Variants in HOXA3 observed in about 807,000 individuals in gnomAD.
HOXA3 encodes homeobox A3.
HOXA3 carries 8 observed loss-of-function variants against 30.3 expected under a neutral mutation model. The ratio of observed to expected loss-of-function variants is 0.26; its 90% CI spans 0.15 to 0.48. The LOEUF is 0.48. HOXA3 is among the 20% of genes least tolerant of loss of function. The probability of loss-of-function intolerance (pLI) is 0.99; values close to 1 mark genes in which losing one functional copy is unlikely to be tolerated. For missense variants in HOXA3, 653 were observed against 614.4 expected (o/e 1.06, Z -0.66); for synonymous variants, 323 against 273.1 (o/e 1.18, Z -1.80).
chr7:27,144,772 A>G (rs935049241), intron 1 of HOXA3, among the ~76,000 whole-genome samples: 9 of 152,240 alleles, frequency 5.9e-5, no homozygotes, highest in Non-Finnish European at 1.2e-4. Context: ...ACTCAAGTAA[A>G]TCACAAATAT....
At chr7:27,120,142 C>A (rs1274129697) in intron 4 of HOXA3, among the ~76,000 whole-genome samples, 1 of 152,110 alleles carries the variant, frequency 6.6e-6, no homozygotes, top group South Asian at 2.1e-4. Flanking sequence ...GGAGGTATTG[C>A]TGGCAAATTC....
intron 1 of HOXA3, chr7:27,140,467 C>G (rs927428471): frequency 6.6e-6 from 1 of 152,218 alleles, no homozygotes; most frequent in Non-Finnish European, 1.5e-5. Context: ...TCAGTGTAAG[C>G]AGTCGGTAAA....
At chr7:27,147,261 C>T (rs1271524220) in intron 1 of HOXA3, 1 of 1,514,928 alleles carries the variant, frequency 6.6e-7, no homozygotes, top group Admixed American at 1.8e-5. Flanking sequence ...TCTTTCTTTT[C>T]CTGCCTCCTT....
chr7:27,143,324 G>A (rs1369095715), intron 1 of HOXA3: 9 of 1,597,802 alleles, frequency 5.6e-6, no homozygotes, highest in South Asian at 1.1e-5. Flanking sequence ...GGGCTGAGGA[G>A]AGTGCGTGGA....
intron 1 of HOXA3, chr7:27,147,682 C>T: frequency 6.2e-7 from 1 of 1,613,856 alleles, no homozygotes; most frequent in Non-Finnish European, 8.5e-7. Flanking sequence ...GGGCAGCTGG[C>T]CCAAGAAGGA....
intron 4 of HOXA3, among the ~76,000 whole-genome samples, chr7:27,118,615 T>C (rs1375563797): frequency 6.6e-6 from 1 of 152,364 alleles, no homozygotes; most frequent in African/African-American, 2.4e-5. Context: ...TCTCCACTTA[T>C]ATTTCTTTAC....
chr7:27,107,988 G>A lies in HOXA3; in HGVS notation c.1259C>T (p.Thr420Ile), dbSNP rs777199380. Residue 420 changes from threonine to isoleucine, a missense_variant, in exon 6 of 6, where the codon ACC (threonine) becomes ATC (isoleucine). Transcript: ENST00000612286. ...ATGGTGGCCGGTAAGGTCCGTGTAG[G>A]TGGGGTGCGGCTCCCCAGGCCCCGG... Reference protein sequence around the residue: ...HGPGPGEPHPTYTDLTGHHPS... With the variant: ...HGPGPGEPHPIYTDLTGHHPS... The A allele has an allele frequency of 2.5e-6, 4 of 1,611,460 alleles. No homozygotes were observed. The South Asian group carries it at 3.3e-5, about 13-fold the overall frequency.
intron 1 of HOXA3, chr7:27,145,560 A>G (rs1782727939): frequency 6.8e-7 from 1 of 1,474,396 alleles, no homozygotes; most frequent in Non-Finnish European, 9.1e-7. Context: ...GGAAGCCCCC[A>G]GATGGGAGCA....
intron 5 of HOXA3, among the ~76,000 whole-genome samples, chr7:27,109,880 C>T (rs932047315): frequency 1.3e-5 from 2 of 152,226 alleles, no homozygotes; most frequent in African/African-American, 4.8e-5. Context: ...ACCCTACTTG[C>T]CCTTGGAGAA....
At position 27,137,491 on chromosome 7, in the gene HOXA3, A is replaced by G. The variant is rs868115197; in HGVS notation, c.-390+2592T>C. ...CTTCATAAAGCCCTCAGTGACAGAC[A>G]TATTTTTTCTTAGTAAGTTCCTCTG... On this transcript the variant is annotated intron_variant, in intron 2 of 5. Transcript: ENST00000612286. Among the ~76,000 whole-genome samples, 3 of 152,190 alleles carry G rather than the reference A, an allele frequency of 2.0e-5. 1 individual carries two copies. In the South Asian group the frequency reaches 6.2e-4, roughly 31 times the overall value.
At chr7:27,133,410 G>A (rs952644144) in intron 2 of HOXA3, among the ~76,000 whole-genome samples, 9 of 152,286 alleles carry the variant, frequency 5.9e-5, no homozygotes, top group East Asian at 1.9e-4. Context: ...GCAGCATCTC[G>A]CCTGAGAAAA....
intron 2 of HOXA3, among the ~76,000 whole-genome samples, chr7:27,132,295 A>T (rs1180415483): frequency 1.3e-5 from 2 of 152,398 alleles, no homozygotes; most frequent in Admixed American, 1.3e-4. Flanking sequence ...AACGCAGACA[A>T]GGAAAATTAT....
chr7:27,145,708 T>G, intron 1 of HOXA3: 1 of 1,614,186 alleles, frequency 6.2e-7, no homozygotes. Flanking sequence ...TGCGTGGAAT[T>G]GATGAGCTTG....
chr7:27,130,391 G>A, intron 2 of HOXA3: 1 of 1,156,848 alleles, frequency 8.6e-7, no homozygotes. Context: ...TGCTCGGGCT[G>A]GGGCGGCCGC....
At chr7:27,129,717 A>T (rs1785438598) in intron 2 of HOXA3, 10 of 891,440 alleles carry the variant, frequency 1.1e-5, no homozygotes, top group African/African-American at 1.7e-5. Context: ...CGCAAGATAC[A>T]TAAAACGGCA....
At chr7:27,122,099 C>A (rs1462196057) in intron 4 of HOXA3, 1 of 152,386 alleles carries the variant, frequency 6.6e-6, no homozygotes, top group Non-Finnish European at 1.5e-5. Context: ...GAGTGTGATA[C>A]AAGTTTTCCT....
intron 4 of HOXA3, among the ~76,000 whole-genome samples, chr7:27,111,372 C>T (rs528959265): frequency 6.6e-6 from 1 of 152,328 alleles, no homozygotes; most frequent in South Asian, 2.1e-4. Context: ...ATTTCAGAAG[C>T]TGAGCTTGTT....
intron 4 of HOXA3, chr7:27,121,233 G>GTGTGTT (rs1481318840): frequency 5.6e-5 from 7 of 125,222 alleles, no homozygotes; most frequent in African/African-American, 2.3e-4. Context: ...GTGTGTGTGT[G>GTGTGTT]TGTGTGTGTG....
intron 1 of HOXA3, chr7:27,145,618 G>T: frequency 3.1e-6 from 5 of 1,590,396 alleles, no homozygotes; most frequent in Non-Finnish European, 4.3e-6. Flanking sequence ...GGGCAAAGCC[G>T]AAGGAGGTTG....
Sources: allele counts gnomAD v4.1 joint callset (sites outside exome capture counted in the v4.1 genomes callset), GRCh38; gene constraint gnomAD v4.1.1; transcripts MANE v1.5; gene names NCBI Gene and HGNC (gene_info 2026-07-23, HGNC 2026-07-21).